Variants in SNX29 observed in about 807,000 individuals in gnomAD.
SNX29 encodes the protein sorting nexin-29.
SNX29 carries 78 observed loss-of-function variants against 102.1 expected under a neutral mutation model. The observed-to-expected ratio is 0.76, with a 90% CI of 0.64 to 0.92. SNX29 has a LOEUF of 0.92. Ranked by LOEUF, SNX29 falls within the 40% of genes least tolerant of loss-of-function variation. The pLI, the probability that SNX29 is intolerant of heterozygous loss-of-function variation, is 0.00. For missense variants in SNX29, 1,280 were observed against 1,061.7 expected (o/e 1.21, Z -2.86); for synonymous variants, 580 against 414.5 (o/e 1.40, Z -4.85).
At chr16:12,538,458 G>C (rs555785094) in intron 20 of SNX29, among the ~76,000 whole-genome samples, 3 of 152,108 alleles carry the variant, frequency 2.0e-5, no homozygotes, top group Non-Finnish European at 2.9e-5. Context: ...TGGTTATCAC[G>C]TATCTCCTAT....
At position 12,562,861 on chromosome 16, in the gene SNX29, G is replaced by T. The variant is rs8055385; in HGVS notation, c.2319-5645G>T. Among the ~76,000 whole-genome samples the T allele has an allele frequency of 2.6e-3, 394 of 152,270 alleles. 1 individual carries two copies. The highest frequency in any genetic ancestry group is 4.8e-3 in the Non-Finnish European group (326 of 68,032). On this transcript the variant is annotated intron_variant, in intron 20 of 20. Transcript: ENST00000566228. ...CCTATAGGCAACCCGACAGCTCCCG[G>T]TCTGTGCTTTGTCATTTCTAGTTTT...
chr16:12,354,075 C>T (rs1411134485), intron 15 of SNX29, among the ~76,000 whole-genome samples: 1 of 152,206 alleles, frequency 6.6e-6, no homozygotes, highest in African/African-American at 2.4e-5. Context: ...TTTGTGATCT[C>T]ACATTCTCTC....
intron 15 of SNX29, among the ~76,000 whole-genome samples, chr16:12,306,339 T>A (rs1230448302): frequency 2.0e-5 from 3 of 151,302 alleles, no homozygotes; most frequent in African/African-American, 7.3e-5. Context: ...TGGTTTTACA[T>A]GCAGGTGCCT....
intron 14 of SNX29, among the ~76,000 whole-genome samples, chr16:12,212,782 G>A (rs1328048024): frequency 6.6e-6 from 1 of 152,146 alleles, no homozygotes; most frequent in Non-Finnish European, 1.5e-5. Flanking sequence ...CTTGAGTGGA[G>A]AAAGAAAACG....
chr16:12,204,503 T>G (rs2076997128), intron 14 of SNX29, among the ~76,000 whole-genome samples: 1 of 152,216 alleles, frequency 6.6e-6, no homozygotes, highest in South Asian at 2.1e-4. Context: ...AGCGTAGTCC[T>G]GTTCAATAGC....
intron 20 of SNX29, among the ~76,000 whole-genome samples, chr16:12,544,124 C>G (rs928531394): frequency 6.6e-6 from 1 of 152,180 alleles, no homozygotes; most frequent in African/African-American, 2.4e-5. Flanking sequence ...GAAAACAAGT[C>G]CATAACCCTA....
chr16:12,286,453 C>T (rs1242787260), intron 15 of SNX29, among the ~76,000 whole-genome samples: 2 of 149,770 alleles, frequency 1.3e-5, no homozygotes, highest in Non-Finnish European at 3.0e-5. Flanking sequence ...TCATGCCATT[C>T]TTCTGCCTCA....
intron 20 of SNX29, among the ~76,000 whole-genome samples, chr16:12,528,114 C>A (rs28736822): frequency 6.6e-6 from 1 of 151,976 alleles, no homozygotes; most frequent in Non-Finnish European, 1.5e-5. Flanking sequence ...TGTGAGCCAC[C>A]GCACCTGGCC....
At chr16:12,338,377 C>T (rs981567267) in intron 15 of SNX29, among the ~76,000 whole-genome samples, 10 of 152,190 alleles carry the variant, frequency 6.6e-5, no homozygotes, top group African/African-American at 2.2e-4. Context: ...CATCGGGGAT[C>T]AGACCAGCAG....
Position 12,570,920 on chromosome 16 carries a change from G to T in SNX29, c.*2291G>T. 1 of 168,156 alleles carries T rather than the reference G, an allele frequency of 5.9e-6. No individual in the cohort carries two copies. The highest frequency in any genetic ancestry group is 7.8e-5 in the East Asian group (1 of 12,872). The allele number at this position is 168,156 out of a possible 1,614,324, so 10.4% of individuals were successfully genotyped here. On this transcript the variant is annotated 3_prime_UTR_variant, in exon 21 of 21. Transcript: ENST00000566228. ...AAAAACCTGGTCTGCTCTCCAAAATGAGAGCATGTTCCTGGGAGCCACATG... is the reference window on the plus strand; with the variant it reads ...AAAAACCTGGTCTGCTCTCCAAAATTAGAGCATGTTCCTGGGAGCCACATG...
At chr16:12,207,540 G>A (rs1264025682) in intron 14 of SNX29, among the ~76,000 whole-genome samples, 2 of 152,054 alleles carry the variant, frequency 1.3e-5, no homozygotes, top group East Asian at 1.9e-4. Flanking sequence ...CTGTTCCACC[G>A]CAGTGTCTCG....
chr16:12,049,580 G>A (rs539835896), intron 7 of SNX29, among the ~76,000 whole-genome samples: 73 of 152,016 alleles, frequency 4.8e-4, no homozygotes, highest in Non-Finnish European at 2.6e-4. Context: ...TGATCTGCCC[G>A]CCCTGGCCTC....
At position 12,055,249 on chromosome 16, in the gene SNX29, T is replaced by C. The variant is rs555478956; in HGVS notation, c.1124+3027T>C. 2.1e-3 allele frequency among the ~76,000 whole-genome samples: 314 copies of C among 151,682 alleles called. 1 individual carries two copies. Among genetic ancestry groups the C allele is most frequent in the African/African-American group, 7.3e-3 (302 of 41,332 alleles). On this transcript the variant is annotated intron_variant, in intron 8 of 20. Transcript: ENST00000566228. ...CTGTTTCCTTTCTTTTTTTTTTTTT[T>C]CTGAGATGGAGTCTTGCTTTGTCAC...
intron 14 of SNX29, among the ~76,000 whole-genome samples, chr16:12,249,973 G>A (rs904141630): frequency 2.0e-5 from 3 of 152,154 alleles, no homozygotes; most frequent in Admixed American, 2.0e-4. Context: ...AGGTGGGGAG[G>A]GCAGATCGAC....
intron 20 of SNX29, among the ~76,000 whole-genome samples, chr16:12,566,944 C>CA (rs2079036317): frequency 6.6e-6 from 1 of 152,216 alleles, no homozygotes. Context: ...ATCAGGGTGT[C>CA]AAACTTGAAA....
chr16:12,234,949 A>AC (rs113480941), intron 14 of SNX29, among the ~76,000 whole-genome samples: 6,116 of 150,860 alleles, frequency 0.041, 432 homozygotes, highest in African/African-American at 0.14. Flanking sequence ...TCTCCTTTTC[A>AC]CCCATCCTTC....
chr16:12,031,961 C>G (rs1235249791), intron 4 of SNX29, among the ~76,000 whole-genome samples: 3 of 152,104 alleles, frequency 2.0e-5, no homozygotes, highest in African/African-American at 7.2e-5. Flanking sequence ...CATCTCAGAA[C>G]CTTTCCATTT....
At chr16:12,380,713 A>ATTCCATCCACCCACCATCAC (rs2083069358) in intron 16 of SNX29, among the ~76,000 whole-genome samples, 1 of 70,122 alleles carries the variant, frequency 1.4e-5, no homozygotes, top group Non-Finnish European at 2.6e-5. Context: ...CCAACCATCA[A>ATTCCATCCACCCACCATCAC]TTCCATCCAC....
At chr16:12,352,036 G>C (rs2082003651) in intron 15 of SNX29, among the ~76,000 whole-genome samples, 1 of 152,138 alleles carries the variant, frequency 6.6e-6, no homozygotes, top group African/African-American at 2.4e-5. Flanking sequence ...TGCAAGTAGA[G>C]AGGCAGGATT....
Sources: allele counts gnomAD v4.1 joint callset (sites outside exome capture counted in the v4.1 genomes callset), GRCh38; gene constraint gnomAD v4.1.1; transcripts MANE v1.5; gene names NCBI Gene and HGNC (gene_info 2026-07-23, HGNC 2026-07-21).